Variants in CCDC85A observed in about 807,000 individuals in gnomAD.
CCDC85A encodes the protein coiled-coil domain-containing protein 85A.
Under a neutral mutation model 50.2 loss-of-function variants are expected in CCDC85A, and 38 were observed. That is an observed-to-expected ratio of 0.76 (90% CI 0.58 to 0.99). The LOEUF (loss-of-function observed/expected upper bound fraction) is 0.99, where lower values mean the gene tolerates loss of function less well. Among genes scored for constraint, CCDC85A ranks in the 50% least tolerant of loss-of-function variants. The pLI, the probability that CCDC85A is intolerant of heterozygous loss-of-function variation, is 0.00. For missense variants in CCDC85A, 820 were observed against 742.0 expected (o/e 1.11, Z -1.22); for synonymous variants, 366 against 301.4 (o/e 1.21, Z -2.22).
At chr2:56,312,324 G>A (rs560425469) in intron 2 of CCDC85A, among the ~76,000 whole-genome samples, 54 of 152,132 alleles carry the variant, frequency 3.5e-4, no homozygotes, top group South Asian at 1.0e-3. Context: ...GTGTTGGAAC[G>A]CCTGGAGACA....
chr2:56,265,588 C>T (rs1236255053), intron 2 of CCDC85A, among the ~76,000 whole-genome samples: 1 of 152,168 alleles, frequency 6.6e-6, no homozygotes, highest in Non-Finnish European at 1.5e-5. Flanking sequence ...ATTAAAACCA[C>T]AGTGAGATAT....
At chr2:56,348,760 G>A (rs1461999470) in intron 3 of CCDC85A, among the ~76,000 whole-genome samples, 1 of 152,176 alleles carries the variant, frequency 6.6e-6, no homozygotes, top group African/African-American at 2.4e-5. Context: ...ACTAGCATGG[G>A]GGCAGAGAAG....
At chr2:56,312,492 C>T (rs1672741050) in intron 2 of CCDC85A, among the ~76,000 whole-genome samples, 2 of 152,130 alleles carry the variant, frequency 1.3e-5, no homozygotes, top group South Asian at 2.1e-4. Context: ...TCAGTATGTA[C>T]CATGTATGCT....
intron 2 of CCDC85A, among the ~76,000 whole-genome samples, chr2:56,338,155 C>T (rs1362458217): frequency 6.6e-6 from 1 of 152,038 alleles, no homozygotes; most frequent in South Asian, 2.1e-4. Context: ...TCTTTTGGAG[C>T]CTCATTCTCA....
rs1009021296 is a variant in CCDC85A, at chr2:56,373,594, G to A, written c.1452+1116G>A. ...TACGCTTATCTTTTTACCAGGTCTG[G>A]AAAGAGAACATTTGAAGCAGAAAGG... On this transcript the variant is annotated intron_variant, in intron 4 of 5. Transcript: ENST00000407595. 2.2e-4 allele frequency among the ~76,000 whole-genome samples: 33 copies of A among 152,158 alleles called. 1 individual carries two copies. The highest frequency in any genetic ancestry group is 6.5e-4 in the African/African-American group (27 of 41,428).
chr2:56,320,030 G>C (rs556887963), intron 2 of CCDC85A, among the ~76,000 whole-genome samples: 31 of 152,278 alleles, frequency 2.0e-4, no homozygotes, highest in African/African-American at 5.5e-4. Context: ...ACCTGCTCCT[G>C]AATGACTACT....
At chr2:56,220,264 C>A (rs1366996380) in intron 2 of CCDC85A, among the ~76,000 whole-genome samples, 1 of 151,962 alleles carries the variant, frequency 6.6e-6, no homozygotes, top group African/African-American at 2.4e-5. Context: ...AACTCCTTCA[C>A]TCCAGTGCAC....
At chr2:56,347,695 T>G (rs1165176278) in intron 3 of CCDC85A, among the ~76,000 whole-genome samples, 1 of 152,168 alleles carries the variant, frequency 6.6e-6, no homozygotes, top group African/African-American at 2.4e-5. Context: ...AGAGAGGGCC[T>G]TTTGGTTCAG....
At chr2:56,337,904 C>T (rs1052384034) in intron 2 of CCDC85A, among the ~76,000 whole-genome samples, 3 of 152,012 alleles carry the variant, frequency 2.0e-5, no homozygotes, top group Non-Finnish European at 4.4e-5. Flanking sequence ...CCTGCCTCAG[C>T]CTCCCGAGTA....
intron 2 of CCDC85A, among the ~76,000 whole-genome samples, chr2:56,196,425 C>T (rs1676521870): frequency 6.6e-6 from 1 of 152,152 alleles, no homozygotes. Context: ...ATTGAATAAC[C>T]ATTGTCATTT....
At chr2:56,324,367 T>G (rs953058017) in intron 2 of CCDC85A, among the ~76,000 whole-genome samples, 2 of 152,048 alleles carry the variant, frequency 1.3e-5, no homozygotes, top group Non-Finnish European at 2.9e-5. Context: ...ATAATTCTTT[T>G]TATACAGTGG....
chr2:56,265,037 T>G (rs1339956087), intron 2 of CCDC85A, among the ~76,000 whole-genome samples: 3 of 152,180 alleles, frequency 2.0e-5, no homozygotes, highest in African/African-American at 7.2e-5. Flanking sequence ...AGGTTACCTC[T>G]GCCCCTTACC....
rs70955011 is a variant in CCDC85A at position 56,189,297 on chromosome 2, G to GTTTTTTTTTTT, written c.277-3175_277-3165dup. The stretch of plus-strand genomic sequence containing the variant: ...AAAACATGCACGGGGTATTTTTGGT[G>GTTTTTTTTTTT]TTTTTTTTTTTTTTTGAGACAAGGT... On this transcript the variant is annotated intron_variant, in intron 1 of 5. Transcript: ENST00000407595. 8.6e-3 allele frequency among the ~76,000 whole-genome samples: 1,041 copies of GTTTTTTTTTTT among 121,738 alleles called. 54 individuals carry two copies. Among genetic ancestry groups the GTTTTTTTTTTT allele is most frequent in the East Asian group, 0.053 (227 of 4,312 alleles). 79.9% of individuals were successfully genotyped at this position (121,738 alleles called of 152,430 possible). A position where few individuals can be genotyped will look rare whatever the true frequency, so the allele number is the denominator to read the frequency against.
At chr2:56,301,583 A>G (rs1672206104) in intron 2 of CCDC85A, among the ~76,000 whole-genome samples, 1 of 152,226 alleles carries the variant, frequency 6.6e-6, no homozygotes, top group Non-Finnish European at 1.5e-5. Flanking sequence ...GAAAGGTCAT[A>G]CTGTTTAAGA....
At chr2:56,322,166 G>C (rs1573253509) in intron 2 of CCDC85A, among the ~76,000 whole-genome samples, 1 of 152,140 alleles carries the variant, frequency 6.6e-6, no homozygotes, top group African/African-American at 2.4e-5. Flanking sequence ...AGACTTAAAT[G>C]TTAGACCTAA....
chr2:56,255,655 C>G (rs1669952166), intron 2 of CCDC85A, among the ~76,000 whole-genome samples: 1 of 152,044 alleles, frequency 6.6e-6, no homozygotes, highest in South Asian at 2.1e-4. Context: ...AAGACCAGGT[C>G]ATTGGGCTGG....
chr2:56,336,920 T>A (rs1035486672), intron 2 of CCDC85A, among the ~76,000 whole-genome samples: 2 of 152,218 alleles, frequency 1.3e-5, no homozygotes, highest in African/African-American at 4.8e-5. Flanking sequence ...TATCTATGTA[T>A]GTTACTTCAT....
At chr2:56,334,872 T>C (rs1456308330) in intron 2 of CCDC85A, among the ~76,000 whole-genome samples, 1 of 152,156 alleles carries the variant, frequency 6.6e-6, no homozygotes, top group African/African-American at 2.4e-5. Flanking sequence ...AAAGGATTTC[T>C]GCATGGGAGG....
chr2:56,360,188 C>G (rs1437617044), intron 3 of CCDC85A, among the ~76,000 whole-genome samples: 2 of 152,234 alleles, frequency 1.3e-5, no homozygotes, highest in Non-Finnish European at 2.9e-5. Context: ...AATGCATTCA[C>G]AATGCTTGGT....
Sources: gnomAD v4.1 joint callset for allele counts (sites outside exome capture counted in the v4.1 genomes callset) on GRCh38, gnomAD v4.1.1 for gene constraint, MANE v1.5 for transcripts, NCBI Gene and HGNC (gene_info 2026-07-23, HGNC 2026-07-21) for gene names.